The following ZNF395 variants were observed in gnomAD, a reference collection of about 807,000 sequenced individuals.
ZNF395 encodes HD gene regulatory region-binding protein 2.
ZNF395 carries 20 observed loss-of-function variants against 57.7 expected under a neutral mutation model. The observed-to-expected ratio is 0.35, with a 90% CI of 0.24 to 0.50. The LOEUF (loss-of-function observed/expected upper bound fraction) is 0.50, where lower values mean the gene tolerates loss of function less well. ZNF395 is among the 20% of genes least tolerant of loss of function. The pLI, the probability that ZNF395 is intolerant of heterozygous loss-of-function variation, is 0.97. For synonymous variants in ZNF395, 295 were observed against 275.9 expected, an observed-to-expected ratio of 1.07 and a Z score of -0.69; for missense variants, 606 against 671.2, an observed-to-expected ratio of 0.90 and a Z score of 1.07.
rs758737374 is a variant in ZNF395, at chr8:28,356,646, C to T, written c.583+24G>A. The T allele has an allele frequency of 1.9e-6, 3 of 1,594,014 alleles. No individual in the cohort carries two copies. Among genetic ancestry groups the T allele is most frequent in the Non-Finnish European group, 2.6e-6 (3 of 1,162,962 alleles). On this transcript the variant is annotated intron_variant, in intron 4 of 9. Transcript: ENST00000344423. This position sits in a 1 kb window ranked among gnomAD's most constrained non-coding sequence, Gnocchi z 4.0. Reference sequence around the variant, plus strand: ...TCGTGGGCCTCTACCATGCCCAGAACCCAGCTGGGCCCCGCTTGCTCACCA... The same window carrying T: ...TCGTGGGCCTCTACCATGCCCAGAATCCAGCTGGGCCCCGCTTGCTCACCA...
intron 1 of ZNF395, among the ~76,000 whole-genome samples, chr8:28,381,081 G>A (rs963162021): frequency 4.7e-5 from 7 of 148,950 alleles, no homozygotes; most frequent in Non-Finnish European, 3.0e-5. Context: ...TCGCTCTGTC[G>A]CCCAGGCTGG....
At chr8:28,371,458 G>A (rs1801975525) in intron 1 of ZNF395, among the ~76,000 whole-genome samples, 1 of 152,172 alleles carries the variant, frequency 6.6e-6, no homozygotes, top group Admixed American at 6.5e-5. Context: ...TAGGATTACA[G>A]GTGTGAGCCA....
At position 28,359,049 on chromosome 8, in the gene ZNF395, T is replaced by C. The variant is rs370483018; in HGVS notation, c.473+543A>G. On this transcript the variant is annotated intron_variant, in intron 3 of 9. Coordinates refer to ENST00000344423, the MANE Select transcript of ZNF395 (RefSeq NM_018660.3). This position sits in a 1 kb window ranked among gnomAD's most constrained non-coding sequence, Gnocchi z 4.7. The stretch of plus-strand genomic sequence containing the variant: ...AGTTTAAGCATGAGAGGGGAAAAAA[T>C]AGCCCTATGCCCAACCAAAGGTACA... Among the ~76,000 whole-genome samples the C allele has an allele frequency of 6.6e-6, 1 of 152,104 alleles. No individual in the cohort carries two copies. Among genetic ancestry groups the C allele is most frequent in the African/African-American group, 2.4e-5 (1 of 41,410 alleles).
intron 4 of ZNF395, among the ~76,000 whole-genome samples, chr8:28,353,772 C>T (rs1345847869): frequency 6.6e-6 from 1 of 151,952 alleles, no homozygotes; most frequent in Non-Finnish European, 1.5e-5. Flanking sequence ...CTGTTTCTCA[C>T]TTTATACATT....
chr8:28,378,432 G>C (rs1365982034), intron 1 of ZNF395, among the ~76,000 whole-genome samples: 1 of 152,052 alleles, frequency 6.6e-6, no homozygotes, highest in African/African-American at 2.4e-5. Flanking sequence ...GCATAGACAA[G>C]TTCTCTCTCT....
Position 28,359,884 on chromosome 8 carries a change from T to A in ZNF395, c.241-60A>T. ...CTGGATGGGTCTCGCCCTGAAGTTC[T>A]CATGCACCCCACGTCCCAGGAGCCA... On this transcript the variant is annotated intron_variant, in intron 2 of 9. Coordinates refer to ENST00000344423, the MANE Select transcript of ZNF395 (RefSeq NM_018660.3). The surrounding 1 kb of genome is among the most constrained non-coding windows in gnomAD (Gnocchi z 4.7). 1 of 1,565,462 alleles carries A rather than the reference T, an allele frequency of 6.4e-7. No individual in the cohort carries two copies. Among genetic ancestry groups the A allele is most frequent in the Non-Finnish European group, 8.7e-7 (1 of 1,149,012 alleles).
At chr8:28,386,217 C>G (rs1023828852) in intron 1 of ZNF395, 176 bp downstream of exon 1, 1 of 147,690 alleles carries the variant, frequency 6.8e-6, no homozygotes, top group African/African-American at 2.6e-5. Context: ...CGCTCACGTA[C>G]GCGGCCGCGG....
chr8:28,372,408 A>C (rs1801988409), intron 1 of ZNF395, among the ~76,000 whole-genome samples: 1 of 152,234 alleles, frequency 6.6e-6, no homozygotes, highest in African/African-American at 2.4e-5. Context: ...ACCTATCGGA[A>C]AATTATCAGA....
intron 1 of ZNF395, among the ~76,000 whole-genome samples, chr8:28,384,326 G>A (rs1408166480): frequency 6.6e-6 from 1 of 152,122 alleles, no homozygotes; most frequent in African/African-American, 2.4e-5. Context: ...CCCTGGTATG[G>A]CTAAGGACAT....
At position 28,360,964 on chromosome 8, in the gene ZNF395, C is replaced by G; in HGVS notation, c.161G>C (p.Cys54Ser). The stretch of plus-strand genomic sequence containing the variant: ...AAGGACTTCCTTGGGCTGCTCCTGG[C>G]AGGGGGTGTCATCAGAGGTGGTGAA... ...QPFTTSDDTP[C>S]QEQPKEVLKA... Residue 54 changes from cysteine to serine, a missense_variant, in exon 2 of 10, where the codon TGC (cysteine) becomes TCC (serine). Around this residue, in one of 3 missense-constraint regions of ZNF395, gnomAD observed 309 missense variants for 374.7 expected, o/e 0.82. Transcript: ENST00000344423. The G allele has an allele frequency of 6.2e-7, 1 of 1,613,506 alleles. No individual in the cohort carries two copies. The highest frequency in any genetic ancestry group is 1.1e-5 in the South Asian group (1 of 91,062).
At chr8:28,383,670 G>A (rs1345834651) in intron 1 of ZNF395, among the ~76,000 whole-genome samples, 3 of 151,966 alleles carry the variant, frequency 2.0e-5, no homozygotes, top group Non-Finnish European at 4.4e-5. Context: ...GAAGCCCCTC[G>A]GTTCAGGCCT....
chr8:28,371,767 G>A (rs1402205411), intron 1 of ZNF395, among the ~76,000 whole-genome samples: 1 of 152,188 alleles, frequency 6.6e-6, no homozygotes, highest in African/African-American at 2.4e-5. Flanking sequence ...TCAGACTTCC[G>A]GCTGGGCGCA....
At chr8:28,351,873 C>A in intron 6 of ZNF395, 66 bp from the exon 7 acceptor site, 10 of 1,489,084 alleles carry the variant, frequency 6.7e-6, no homozygotes, top group Non-Finnish European at 8.9e-6. Context: ...GCGGGGACCG[C>A]GGTAGGGAGG....
At chr8:28,351,287 A>G (rs1801678910) in intron 7 of ZNF395, 2 of 529,516 alleles carry the variant, frequency 3.8e-6, no homozygotes, top group South Asian at 7.2e-5. Flanking sequence ...CCTAGTAACC[A>G]CTCATGACAG....
chr8:28,348,692 G>A lies in ZNF395; in HGVS notation c.*27C>T. ...TTGTCAGTGGCTGCCGGCAGGGCCA[G>A]GAACAGAGTAGAACCTGCAGCACAG... is the stretch of plus-strand genomic sequence containing the variant. On this transcript the variant is annotated 3_prime_UTR_variant, in exon 10 of 10. Coordinates refer to ENST00000344423, the MANE Select transcript of ZNF395 (RefSeq NM_018660.3). 2 of 1,604,826 alleles carry A rather than the reference G, an allele frequency of 1.2e-6. No homozygotes were observed. The highest frequency in any genetic ancestry group is 1.7e-6 in the Non-Finnish European group (2 of 1,171,908).
chr8:28,360,864 T>A, intron 2 of ZNF395, 21 bp downstream of exon 2: 2 of 1,612,016 alleles, frequency 1.2e-6, no homozygotes, highest in Non-Finnish European at 1.7e-6. Context: ...GGGACACCTG[T>A]CCATGTTGGG....
At chr8:28,372,950 A>G (rs1801994784) in intron 1 of ZNF395, among the ~76,000 whole-genome samples, 1 of 152,196 alleles carries the variant, frequency 6.6e-6, no homozygotes, top group South Asian at 2.1e-4. Flanking sequence ...AGAGGAGTAG[A>G]ATGCCAACTT....
In ZNF395 at chr8:28,348,633, G is replaced by A. The variant is rs1038106563; in HGVS notation, c.*86C>T. On this transcript the variant is annotated 3_prime_UTR_variant, in exon 10 of 10. Transcript: ENST00000344423. ...TCCGTGTTTCCGTTCTTTCTCTTTC[G>A]GTTTCTGCTGAGGGCTGGTGACACA... 18 of 1,232,240 alleles carry A rather than the reference G, an allele frequency of 1.5e-5. No homozygotes were observed. Among genetic ancestry groups the A allele is most frequent in the South Asian group, 7.3e-5 (6 of 82,220 alleles). The allele number at this position is 1,232,240 out of a possible 1,614,324, so 76.3% of individuals were successfully genotyped here. A position where few individuals can be genotyped will look rare whatever the true frequency, so the allele number is the denominator to read the frequency against.
At chr8:28,382,421 C>T (rs1802120557) in intron 1 of ZNF395, among the ~76,000 whole-genome samples, 1 of 152,152 alleles carries the variant, frequency 6.6e-6, no homozygotes. Context: ...AACAAGAACC[C>T]TCTGTTCTTC....
Sources: gnomAD v4.1 joint callset for allele counts (sites outside exome capture counted in the v4.1 genomes callset) on GRCh38, gnomAD v4.1.1 for gene constraint, gnomAD v4.1.1 regional missense constraint, Gnocchi (gnomAD v3.1) non-coding constraint, MANE v1.5 for transcripts, NCBI Gene and HGNC (gene_info 2026-07-23, HGNC 2026-07-21) for gene names.